VPS13B: variants seen among roughly 807,000 people sequenced by gnomAD.
VPS13B encodes vacuolar protein sorting 13 homolog B.
In VPS13B, 285 loss-of-function variants were observed where a neutral mutation model predicts 426.4. The observed-to-expected ratio is 0.67, with a 90% CI of 0.61 to 0.74. VPS13B has a LOEUF of 0.74. VPS13B is among the 30% of genes least tolerant of loss of function. The probability of loss-of-function intolerance (pLI) is 0.00; values close to 1 mark genes in which losing one functional copy is unlikely to be tolerated. For synonymous variants in VPS13B, 1,676 were observed against 1,676.4 expected, an observed-to-expected ratio of 1.00 and a Z score of 0.01; for missense variants, 4,537 against 4,782.6, an observed-to-expected ratio of 0.95 and a Z score of 1.51.
At chr8:99,251,463 C>A (rs528401622) in intron 17 of VPS13B, among the ~76,000 whole-genome samples, 2 of 152,018 alleles carry the variant, frequency 1.3e-5, no homozygotes, top group East Asian at 3.9e-4. Context: ...TGGTGGATTG[C>A]ATTGATGTTT....
chr8:99,633,400 G>C (rs1828929201), intron 33 of VPS13B, among the ~76,000 whole-genome samples: 1 of 151,926 alleles, frequency 6.6e-6, no homozygotes, highest in Non-Finnish European at 1.5e-5. Flanking sequence ...TCTGCTTCAG[G>C]GTCAGGGCTG....
chr8:99,412,477 T>C (rs1232134634), intron 21 of VPS13B, among the ~76,000 whole-genome samples: 1 of 152,138 alleles, frequency 6.6e-6, no homozygotes, highest in African/African-American at 2.4e-5. Flanking sequence ...TTGGCTAAGC[T>C]GGTGGGGTTT....
At chr8:99,573,735 A>G (rs1001317228) in intron 31 of VPS13B, among the ~76,000 whole-genome samples, 1 of 152,162 alleles carries the variant, frequency 6.6e-6, no homozygotes, top group Admixed American at 6.5e-5. Context: ...AGGTAGCGTG[A>G]TGCCTCCAGC....
chr8:99,588,374 T>A (rs1201366932), intron 33 of VPS13B, among the ~76,000 whole-genome samples: 1 of 151,764 alleles, frequency 6.6e-6, no homozygotes, highest in East Asian at 1.9e-4. Context: ...GGTAGCTTGA[T>A]GGGGATGTCA....
intron 25 of VPS13B, among the ~76,000 whole-genome samples, chr8:99,493,510 C>T (rs925122089): frequency 1.3e-5 from 2 of 151,944 alleles, no homozygotes; most frequent in Non-Finnish European, 2.9e-5. Context: ...ATGGGTTGGG[C>T]GTGGTGGCTC....
rs151018266 is a variant in VPS13B at position 99,657,002 on chromosome 8, G to A, written c.5909-4352G>A. Among the ~76,000 whole-genome samples the A allele has an allele frequency of 5.3e-3, 809 of 152,200 alleles. 4 individuals carry two copies. The highest frequency in any genetic ancestry group is 9.3e-3 in the Non-Finnish European group (634 of 68,002). ...AAATTCAGGCATACTTTAAAAACCCGTTATATTAATATTTTGTTGGGAAAT... is the reference window on the plus strand; with the variant it reads ...AAATTCAGGCATACTTTAAAAACCCATTATATTAATATTTTGTTGGGAAAT... On this transcript the variant is annotated intron_variant, in intron 34 of 61. Transcript: ENST00000357162.
intron 35 of VPS13B, among the ~76,000 whole-genome samples, chr8:99,679,261 A>T (rs1831060625): frequency 6.6e-6 from 1 of 152,206 alleles, no homozygotes; most frequent in Admixed American, 6.5e-5. Context: ...AGTATATGCC[A>T]TCATTGAAAT....
At chr8:99,497,450 A>G (rs962024690) in intron 25 of VPS13B, among the ~76,000 whole-genome samples, 3 of 149,400 alleles carry the variant, frequency 2.0e-5, no homozygotes, top group Admixed American at 2.0e-4. Flanking sequence ...GTAAGAATTG[A>G]TATATTAACT....
Position 99,875,418 on chromosome 8 carries a change from G to GTAGA in VPS13B, c.11748_11751dup (p.Gly3918ArgfsTer50), listed in dbSNP as rs1554590314. 1 of 1,614,150 alleles carries GTAGA rather than the reference G, an allele frequency of 6.2e-7. No homozygotes were observed. Among genetic ancestry groups the GTAGA allele is most frequent in the Admixed American group, 1.7e-5 (1 of 60,020 alleles). ...AATCTTTATTATTTTTGGATCCTAG[G>GTAGA]TAGATGGAGTCCGAGAGAGACTGTC... On this transcript the variant is annotated frameshift_variant and splice_region_variant, in exon 62 of 62. Transcript: ENST00000357162. LOFTEE classifies it high-confidence loss of function.
chr8:99,257,265 T>C (rs1446053764), intron 17 of VPS13B, among the ~76,000 whole-genome samples: 3 of 152,150 alleles, frequency 2.0e-5, no homozygotes, highest in Non-Finnish European at 4.4e-5. Flanking sequence ...GTGCAGTAGT[T>C]CTTTATCATG....
intron 31 of VPS13B, among the ~76,000 whole-genome samples, chr8:99,573,152 T>C (rs1825576925): frequency 6.6e-6 from 1 of 152,206 alleles, no homozygotes; most frequent in South Asian, 2.1e-4. Context: ...ATGGGGTTGC[T>C]TTTTTCTTGT....
At chr8:99,138,578 G>T (rs543173962) in intron 12 of VPS13B, among the ~76,000 whole-genome samples, 3 of 152,260 alleles carry the variant, frequency 2.0e-5, no homozygotes, top group African/African-American at 7.2e-5. Context: ...ACTAGATTCT[G>T]GTCTTGAGTT....
chr8:99,644,889 T>G (rs1033859922), intron 34 of VPS13B, among the ~76,000 whole-genome samples: 2 of 152,228 alleles, frequency 1.3e-5, no homozygotes, highest in South Asian at 2.1e-4. Flanking sequence ...TTGTCCTAAC[T>G]GCTTTAACGC....
Position 99,134,686 on chromosome 8 carries a change from A to G in VPS13B, c.1261A>G (p.Lys421Glu), listed in dbSNP as rs942483537. ...SYYSPQKVKS[K>E]EVLCWEQEGT... ...TTACAGTCCACAGAAAGTAAAATCT[A>G]AAGAAGTATTGTGTTGGGAACAAGA... The change falls in exon 9 of 62, where the codon AAA becomes GAA. Residue 421 changes from lysine to glutamate, a missense_variant. By Grantham distance (56) the Lys-to-Glu change is moderately conservative. Coordinates refer to ENST00000357162, the MANE Select transcript of VPS13B (RefSeq NM_152564.5). 3.1e-6 allele frequency: 5 copies of G among 1,610,496 alleles called. No homozygotes were observed. In the Admixed American group the frequency reaches 5.0e-5, roughly 16 times the overall value.
intron 35 of VPS13B, among the ~76,000 whole-genome samples, chr8:99,687,392 C>T (rs1022418940): frequency 6.6e-6 from 1 of 151,996 alleles, no homozygotes; most frequent in Non-Finnish European, 1.5e-5. Context: ...CCTAGCCCAG[C>T]ACAGAACCAG....
intron 19 of VPS13B, among the ~76,000 whole-genome samples, chr8:99,355,611 C>G (rs1812140687): frequency 6.6e-6 from 1 of 152,030 alleles, no homozygotes; most frequent in African/African-American, 2.4e-5. Context: ...AACCAACCAA[C>G]AAAAAACCCT....
intron 17 of VPS13B, among the ~76,000 whole-genome samples, chr8:99,222,962 G>C (rs1442254231): frequency 6.6e-6 from 1 of 152,054 alleles, no homozygotes; most frequent in Non-Finnish European, 1.5e-5. Flanking sequence ...TCAGCCTCCT[G>C]AGTAGCTGGG....
intron 56 of VPS13B, among the ~76,000 whole-genome samples, chr8:99,856,966 G>T (rs540770950): frequency 6.6e-6 from 1 of 152,204 alleles, no homozygotes; most frequent in Non-Finnish European, 1.5e-5. Context: ...AAAGCATGTG[G>T]TCTTTATCCT....
At chr8:99,222,935 C>G (rs1815807861) in intron 17 of VPS13B, among the ~76,000 whole-genome samples, 1 of 152,214 alleles carries the variant, frequency 6.6e-6, no homozygotes, top group Admixed American at 6.5e-5. Context: ...CTCCTGGGTT[C>G]AAGTGATTCT....
Sources: gnomAD v4.1 joint callset for allele counts (sites outside exome capture counted in the v4.1 genomes callset) on GRCh38, gnomAD v4.1.1 for gene constraint, MANE v1.5 for transcripts, NCBI Gene and HGNC (gene_info 2026-07-23, HGNC 2026-07-21) for gene names.